The following JAKMIP3 variants were observed in gnomAD, a reference collection of about 807,000 sequenced individuals.
JAKMIP3 encodes the protein Janus kinase and microtubule interacting protein 3.
JAKMIP3 carries 58 observed loss-of-function variants against 118.5 expected under a neutral mutation model. The observed-to-expected ratio is 0.49, with a 90% CI of 0.40 to 0.61. The LOEUF (loss-of-function observed/expected upper bound fraction) is 0.61. Among genes scored for constraint, JAKMIP3 ranks in the 20% least tolerant of loss-of-function variants. JAKMIP3 has a pLI of 0.00. For missense variants in JAKMIP3, 950 were observed against 1,109.0 expected, an observed-to-expected ratio of 0.86 and a Z score of 2.04; for synonymous variants, 486 against 451.2, an observed-to-expected ratio of 1.08 and a Z score of -0.98.
intron 2 of JAKMIP3, among the ~76,000 whole-genome samples, chr10:132,109,453 C>T (rs929833562): frequency 6.6e-6 from 1 of 152,200 alleles, no homozygotes; most frequent in African/African-American, 2.4e-5. Context: ...AGAAGCTCTC[C>T]GCCCGGCTGC....
At chr10:132,110,356 C>T (rs2046672256) in intron 2 of JAKMIP3, among the ~76,000 whole-genome samples, 2 of 152,256 alleles carry the variant, frequency 1.3e-5, no homozygotes, top group African/African-American at 4.8e-5. Flanking sequence ...GCTCCCAAGG[C>T]CGGATCCCAA....
In JAKMIP3 at chr10:132,121,870, C is replaced by T. The variant is rs1017417045; in HGVS notation, c.633+4296C>T. On this transcript the variant is annotated intron_variant, in intron 3 of 23. Coordinates refer to ENST00000684848, the MANE Select transcript of JAKMIP3 (RefSeq NM_001323087.2). ...CACCAAGGTCCACCCTGAGGACAGTCGCGTCTGGCAGGGCTGGTGAAGGAG... is the reference window on the plus strand; with the variant it reads ...CACCAAGGTCCACCCTGAGGACAGTTGCGTCTGGCAGGGCTGGTGAAGGAG... 3.9e-5 allele frequency among the ~76,000 whole-genome samples: 6 copies of T among 152,250 alleles called. No homozygotes were observed. In the East Asian group the frequency reaches 5.8e-4, roughly 15 times the overall value.
intron 10 of JAKMIP3, among the ~76,000 whole-genome samples, chr10:132,141,249 C>T (rs2053454836): frequency 6.6e-6 from 1 of 152,180 alleles, no homozygotes; most frequent in African/African-American, 2.4e-5. Flanking sequence ...TCTAAGACAT[C>T]CTCTCACAGC....
At chr10:132,101,236 C>G (rs943184384) in intron 1 of JAKMIP3, among the ~76,000 whole-genome samples, 3 of 152,266 alleles carry the variant, frequency 2.0e-5, no homozygotes, top group South Asian at 2.1e-4. Flanking sequence ...AAGTGGAAAT[C>G]CATACATGGG....
At chr10:132,177,763 C>T (rs1172014543) in intron 23 of JAKMIP3, among the ~76,000 whole-genome samples, 1 of 137,824 alleles carries the variant, frequency 7.3e-6, no homozygotes, top group African/African-American at 2.8e-5. Context: ...GGTGTGTGTG[C>T]ACCTGCTCCT....
intron 1 of JAKMIP3, among the ~76,000 whole-genome samples, chr10:132,090,223 A>T (rs1219616068): frequency 6.6e-6 from 1 of 152,252 alleles, no homozygotes; most frequent in Non-Finnish European, 1.5e-5. Context: ...TGCTGGCCTC[A>T]TAAAATGAGT....
At position 132,168,433 on chromosome 10, in the gene JAKMIP3, A is replaced by T. The variant is rs1173778304; in HGVS notation, c.*503A>T. 7.8e-7 allele frequency: 1 copy of T among 1,280,806 alleles called. No individual in the cohort carries two copies. Among genetic ancestry groups the T allele is most frequent in the Admixed American group, 2.3e-5 (1 of 43,296 alleles). 79.3% of individuals were successfully genotyped at this position (1,280,806 alleles called of 1,614,324 possible). ...CTGGACGGTGACCTTCATTCAGGGG[A>T]ACCTGGAGGCTCCCTGGGATGGTCC... is the stretch of plus-strand genomic sequence containing the variant. On this transcript the variant is annotated 3_prime_UTR_variant, in exon 23 of 24. Transcript: ENST00000684848.
rs1238902328 is a variant in JAKMIP3 at position 132,179,916 on chromosome 10, T to TA, written c.*1104-2441_*1104-2440insA. Among the ~76,000 whole-genome samples the TA allele has an allele frequency of 4.7e-5, 7 of 150,126 alleles. No individual in the cohort carries two copies. Among genetic ancestry groups the TA allele is most frequent in the African/African-American group, 1.5e-4 (6 of 39,956 alleles). On this transcript the variant is annotated intron_variant, in intron 23 of 23. Transcript: ENST00000684848. The surrounding 1 kb of genome is among the most constrained non-coding windows in gnomAD (Gnocchi z 4.3). ...CTCTCCCCTCCCATGCTCTTCCCCC[T>TA]GTGAGGTGCACACGGGGCACACACT...
chr10:132,114,814 C>T (rs1425466860), intron 2 of JAKMIP3, among the ~76,000 whole-genome samples: 3 of 152,140 alleles, frequency 2.0e-5, no homozygotes, highest in African/African-American at 4.8e-5. Context: ...AGGTCTTGGG[C>T]GTGTTTTCTA....
In JAKMIP3 at chr10:132,163,345, G is replaced by C; in HGVS notation, c.2357G>C (p.Ser786Thr). 1 of 1,609,806 alleles carries C rather than the reference G, an allele frequency of 6.2e-7. No homozygotes were observed. Among genetic ancestry groups the C allele is most frequent in the Admixed American group, 1.7e-5 (1 of 59,876 alleles). Reference protein sequence around the residue: ...AVEQWKRQVMSELRERDAQIL... With the variant: ...AVEQWKRQVMTELRERDAQIL... The stretch of plus-strand genomic sequence containing the variant: ...GAGCAGTGGAAGCGCCAGGTCATGA[G>C]TGAGCTGCGCGAGCGGGACGCCCAG... Residue 786 changes from serine (S) to threonine (T), a missense_variant, in exon 20 of 24, where the codon AGT becomes ACT. Transcript: ENST00000684848.
intron 23 of JAKMIP3, among the ~76,000 whole-genome samples, chr10:132,170,476 A>T (rs2059389566): frequency 6.6e-6 from 1 of 152,066 alleles, no homozygotes; most frequent in Admixed American, 6.5e-5. Flanking sequence ...GGTTCCCACA[A>T]CAGGTCACAG....
At chr10:132,127,809 A>G (rs1431432781) in intron 3 of JAKMIP3, among the ~76,000 whole-genome samples, 1 of 152,184 alleles carries the variant, frequency 6.6e-6, no homozygotes, top group Non-Finnish European at 1.5e-5. Flanking sequence ...TAGTAGTTAC[A>G]GAGAAATATT....
intron 1 of JAKMIP3, among the ~76,000 whole-genome samples, chr10:132,053,759 G>A (rs1407220911): frequency 6.6e-6 from 1 of 152,174 alleles, no homozygotes; most frequent in Non-Finnish European, 1.5e-5. Flanking sequence ...GCCACTGCAG[G>A]TGTGGTGGCT....
chr10:132,116,128 A>G (rs1333922267), intron 2 of JAKMIP3, among the ~76,000 whole-genome samples: 2 of 152,232 alleles, frequency 1.3e-5, no homozygotes, highest in Non-Finnish European at 2.9e-5. Context: ...CGCGGTTTCA[A>G]ACAGTAACAA....
intron 3 of JAKMIP3, among the ~76,000 whole-genome samples, chr10:132,122,563 A>G (rs2048751787): frequency 6.6e-6 from 1 of 152,240 alleles, no homozygotes; most frequent in African/African-American, 2.4e-5. Flanking sequence ...TGGAGGCTTT[A>G]ACAGGCAAGC....
At chr10:132,101,773 C>T (rs971745052) in intron 1 of JAKMIP3, among the ~76,000 whole-genome samples, 1 of 151,828 alleles carries the variant, frequency 6.6e-6, no homozygotes, top group African/African-American at 2.4e-5. Flanking sequence ...GAGGTGGGAA[C>T]GTGTTATTGG....
At chr10:132,174,531 T>C (rs761984827) in intron 23 of JAKMIP3, among the ~76,000 whole-genome samples, 6 of 152,116 alleles carry the variant, frequency 3.9e-5, no homozygotes, top group Non-Finnish European at 7.4e-5. Context: ...TTGAAGGACG[T>C]CAGGGTGGTT....
chr10:132,140,676 C>T (rs41311239), intron 10 of JAKMIP3, 97 bp downstream of exon 10: 7 of 1,460,744 alleles, frequency 4.8e-6, no homozygotes, highest in South Asian at 1.4e-5. Flanking sequence ...GGTCTCCTGC[C>T]GGGTCCTGGG....
intron 3 of JAKMIP3, among the ~76,000 whole-genome samples, chr10:132,131,009 G>A (rs1053594212): frequency 2.0e-5 from 3 of 151,922 alleles, no homozygotes; most frequent in East Asian, 2.0e-4. Context: ...AGTCGGGGGC[G>A]GGCAGAGTGG....
Sources: gnomAD v4.1 joint callset for allele counts (sites outside exome capture counted in the v4.1 genomes callset) on GRCh38, gnomAD v4.1.1 for gene constraint, Gnocchi (gnomAD v3.1) non-coding constraint, MANE v1.5 for transcripts, NCBI Gene and HGNC (gene_info 2026-07-23, HGNC 2026-07-21) for gene names.